Variants in DHX29 observed in about 807,000 individuals in gnomAD.
The protein encoded by DHX29 is ATP-dependent RNA helicase DHX29.
DHX29 carries 79 observed loss-of-function variants against 167.9 expected under a neutral mutation model. The observed-to-expected ratio is 0.47, with a 90% CI of 0.39 to 0.57. The LOEUF is 0.57. DHX29 is among the 20% of genes least tolerant of loss of function. The probability of loss-of-function intolerance (pLI) is 0.00; values close to 1 mark genes in which losing one functional copy is unlikely to be tolerated. For missense variants in DHX29, 1,347 were observed against 1,593.4 expected (o/e 0.85, Z 2.63); for synonymous variants, 530 against 546.0 (o/e 0.97, Z 0.41).
At chr5:55,306,891 CGTAACCAGTGT>C (rs370244682) in intron 1 of DHX29, among the ~76,000 whole-genome samples, 6 of 152,254 alleles carry the variant, frequency 3.9e-5, no homozygotes, top group South Asian at 2.1e-4. Context: ...ATAGATTACA[CGTAACCAGTGT>C]GTAACCAGTG....
intron 1 of DHX29, among the ~76,000 whole-genome samples, chr5:55,302,592 CAAAAAA>C (rs3990285): frequency 1.5e-5 from 1 of 68,314 alleles, no homozygotes; most frequent in Non-Finnish European, 3.0e-5. Context: ...GTGACCCTAT[CAAAAAA>C]AAAAAAAAAA....
intron 5 of DHX29, 107 bp from the exon 6 acceptor site, chr5:55,294,252 T>C (rs1748193600): frequency 2.7e-6 from 3 of 1,129,270 alleles, no homozygotes; most frequent in Non-Finnish European, 2.4e-6. Flanking sequence ...AGCAGACATA[T>C]AAGCTGTTAT....
intron 24 of DHX29, 83 bp from the exon 25 acceptor site, chr5:55,261,582 C>A: frequency 1.2e-6 from 1 of 865,538 alleles, no homozygotes; most frequent in Non-Finnish European, 1.9e-6. Flanking sequence ...AAGCATTTTT[C>A]TACAATTTGT....
rs776684684 is a variant in DHX29 at position 55,283,487 on chromosome 5, T to C, written c.1681A>G (p.Lys561Glu). Residue 561 changes from lysine (K) to glutamate (E), a missense_variant, in exon 11 of 27, where the codon AAG (lysine) becomes GAG (glutamate). Physicochemically the swap from Lys to Glu is moderately conservative, Grantham distance 56. Around this residue, in one of 3 missense-constraint regions of DHX29, gnomAD observed 882 missense variants for 1,082.4 expected, o/e 0.81. Transcript: ENST00000251636. ...NLFRKLQSTP[K>E]YQKLLKERQQ... ...CTTTCCTTTAGAAGTTTCTGATACT[T>C]AGGTGTGCTTTGCAACTTTCTAAAG... 1.2e-6 allele frequency: 2 copies of C among 1,614,104 alleles called. No homozygotes were observed. The highest frequency in any genetic ancestry group is 1.7e-5 in the Admixed American group (1 of 60,012).
intron 23 of DHX29, among the ~76,000 whole-genome samples, chr5:55,266,244 G>A (rs1005243959): frequency 2.0e-5 from 3 of 148,894 alleles, no homozygotes; most frequent in Admixed American, 6.7e-5. Context: ...TGATCCACCC[G>A]CCTCGGCCTC....
intron 5 of DHX29, 190 bp downstream of exon 5, chr5:55,295,189 T>C (rs1748251737): frequency 5.4e-6 from 3 of 553,342 alleles, no homozygotes; most frequent in Non-Finnish European, 9.5e-6. Flanking sequence ...TAATAGTTGG[T>C]TTAAGCCACT....
At chr5:55,293,351 T>C (rs1428965823) in intron 6 of DHX29, among the ~76,000 whole-genome samples, 1 of 152,208 alleles carries the variant, frequency 6.6e-6, no homozygotes, top group Non-Finnish European at 1.5e-5. Flanking sequence ...AAAGGACCAG[T>C]TTTCCTAAGT....
At chr5:55,270,124 C>G (rs1353679761) in intron 20 of DHX29, among the ~76,000 whole-genome samples, 1 of 151,812 alleles carries the variant, frequency 6.6e-6, no homozygotes, top group Non-Finnish European at 1.5e-5. Flanking sequence ...TTATGACAAC[C>G]AAAAATATCT....
intron 1 of DHX29, among the ~76,000 whole-genome samples, chr5:55,305,360 G>A (rs183047038): frequency 6.6e-6 from 1 of 152,274 alleles, no homozygotes; most frequent in Admixed American, 6.5e-5. Flanking sequence ...GAATAAATAC[G>A]AGGAAGGAGA....
At chr5:55,289,205 A>G in intron 8 of DHX29, 65 bp downstream of exon 8, 2 of 1,441,286 alleles carry the variant, frequency 1.4e-6, no homozygotes, top group Non-Finnish European at 9.1e-7. Flanking sequence ...GAATTTTACC[A>G]TTATATATTT....
chr5:55,270,844 T>C, intron 18 of DHX29, 138 bp from the exon 19 acceptor site: 1 of 624,436 alleles, frequency 1.6e-6, no homozygotes, highest in East Asian at 2.8e-5. Context: ...TCTCAAATTA[T>C]GCTTCATATT....
chr5:55,268,485 C>A (rs1337897830), intron 21 of DHX29, among the ~76,000 whole-genome samples: 3 of 151,884 alleles, frequency 2.0e-5, no homozygotes, highest in African/African-American at 7.3e-5. Flanking sequence ...GGTGCAGTGG[C>A]CCAATCATAG....
chr5:55,286,683 T>C (rs1747747138), intron 8 of DHX29, among the ~76,000 whole-genome samples: 1 of 152,242 alleles, frequency 6.6e-6, no homozygotes, highest in Non-Finnish European at 1.5e-5. Context: ...GCTCTAAGTA[T>C]GCCTGTCTCA....
chr5:55,304,309 C>CTTT (rs397882409), intron 1 of DHX29, among the ~76,000 whole-genome samples: 68 of 112,638 alleles, frequency 6.0e-4, no homozygotes, highest in East Asian at 1.6e-3. Context: ...TCAAATGTCA[C>CTTT]TTTTTTTTTT....
intron 26 of DHX29, among the ~76,000 whole-genome samples, chr5:55,257,171 C>T (rs908637752): frequency 1.3e-5 from 2 of 152,326 alleles, no homozygotes; most frequent in Middle Eastern, 3.4e-3. Flanking sequence ...TTGTTAACAA[C>T]TGCTTCTACT....
chr5:55,288,168 G>A (rs1321686554), intron 8 of DHX29, among the ~76,000 whole-genome samples: 6 of 151,518 alleles, frequency 4.0e-5, no homozygotes, highest in Admixed American at 6.6e-5. Context: ...ACTTGAACCC[G>A]GGAGATGGAG....
chr5:55,263,618 C>G (rs545863762), intron 23 of DHX29, among the ~76,000 whole-genome samples: 6 of 151,656 alleles, frequency 4.0e-5, no homozygotes, highest in Non-Finnish European at 7.4e-5. Context: ...CATAACACCA[C>G]AGGGTTGGTG....
In DHX29 at chr5:55,270,395, A is replaced by C; in HGVS notation, c.3069+17T>G. 1 of 1,591,502 alleles carries C rather than the reference A, an allele frequency of 6.3e-7. No homozygotes were observed. Among genetic ancestry groups the C allele is most frequent in the Non-Finnish European group, 8.5e-7 (1 of 1,170,756 alleles). On this transcript the variant is annotated intron_variant, in intron 20 of 26. Coordinates refer to ENST00000251636, the MANE Select transcript of DHX29 (RefSeq NM_019030.4). ...AGGGGCGAAGGACAAAATCCATCCG[A>C]GTTCCCTTGAGATTACCATAATATG...
intron 1 of DHX29, among the ~76,000 whole-genome samples, chr5:55,304,531 A>C (rs964206114): frequency 6.6e-6 from 1 of 151,010 alleles, no homozygotes; most frequent in Non-Finnish European, 1.5e-5. Flanking sequence ...CAATCTCCTG[A>C]CCTCGTGATC....
Sources: gnomAD v4.1 joint callset for allele counts (sites outside exome capture counted in the v4.1 genomes callset) on GRCh38, gnomAD v4.1.1 for gene constraint, gnomAD v4.1.1 regional missense constraint, MANE v1.5 for transcripts, NCBI Gene and HGNC (gene_info 2026-07-23, HGNC 2026-07-21) for gene names.